The following ADGRB3 variants were observed in gnomAD, a reference collection of about 807,000 sequenced individuals.
The protein encoded by ADGRB3 is adhesion G protein-coupled receptor B3, also known as brain-specific angiogenesis inhibitor 3.
ADGRB3 carries 37 observed loss-of-function variants against 193.4 expected under a neutral mutation model. The ratio of observed to expected loss-of-function variants is 0.19; its 90% CI spans 0.15 to 0.25. The LOEUF (loss-of-function observed/expected upper bound fraction) is 0.25. Ranked by LOEUF, ADGRB3 falls within the 10% of genes least tolerant of loss-of-function variation. The pLI is 1.00. For missense variants in ADGRB3, 1,637 were observed against 1,852.9 expected (o/e 0.88, Z 2.14); for synonymous variants, 690 against 644.2 (o/e 1.07, Z -1.08).
At chr6:69,135,689 TCTTAA>T (rs1239225629) in intron 17 of ADGRB3, among the ~76,000 whole-genome samples, 4 of 152,048 alleles carry the variant, frequency 2.6e-5, no homozygotes, top group Non-Finnish European at 5.9e-5. Context: ...CAATTTCAAC[TCTTAA>T]CTTGGAAAAT....
At chr6:68,987,282 G>A (rs1769107337) in intron 10 of ADGRB3, among the ~76,000 whole-genome samples, 1 of 152,008 alleles carries the variant, frequency 6.6e-6, no homozygotes, top group Non-Finnish European at 1.5e-5. Flanking sequence ...GTAACCTTGG[G>A]TTTTATTCAA....
intron 20 of ADGRB3, among the ~76,000 whole-genome samples, chr6:69,301,080 G>C (rs1767940614): frequency 6.6e-6 from 1 of 151,576 alleles, no homozygotes; most frequent in South Asian, 2.1e-4. Context: ...AAATTTATTA[G>C]AGAGTTGCAA....
At chr6:69,121,585 A>G (rs1233152625) in intron 17 of ADGRB3, among the ~76,000 whole-genome samples, 1 of 151,532 alleles carries the variant, frequency 6.6e-6, no homozygotes, top group East Asian at 1.9e-4. Context: ...CACTTCCCAG[A>G]TGGGGCAGCG....
chr6:68,983,106 T>G lies in ADGRB3; in HGVS notation c.1734+7766T>G, dbSNP rs192150228. Among the ~76,000 whole-genome samples the G allele has an allele frequency of 5.9e-4, 90 of 152,238 alleles. 1 individual carries two copies. The highest frequency in any genetic ancestry group is 3.4e-3 in the Middle Eastern group (1 of 294). The stretch of plus-strand genomic sequence containing the variant: ...GAGACATTATCCCAAACCAGTAAAT[T>G]TAAATTGTATTATAAAAAAGAAAAA... On this transcript the variant is annotated intron_variant, in intron 10 of 31. Coordinates refer to ENST00000370598, the MANE Select transcript of ADGRB3 (RefSeq NM_001704.3).
At chr6:69,144,346 A>T (rs780762426) in intron 17 of ADGRB3, among the ~76,000 whole-genome samples, 1 of 152,196 alleles carries the variant, frequency 6.6e-6, no homozygotes, top group Non-Finnish European at 1.5e-5. Flanking sequence ...AGATCATATC[A>T]TCTGCAAACA....
chr6:69,196,794 A>G (rs1227073620), intron 17 of ADGRB3, among the ~76,000 whole-genome samples: 1 of 152,040 alleles, frequency 6.6e-6, no homozygotes, highest in East Asian at 1.9e-4. Context: ...TCTATTGTTC[A>G]TTCGTTTTGC....
intron 3 of ADGRB3, among the ~76,000 whole-genome samples, chr6:68,660,494 G>A (rs1768602756): frequency 1.3e-5 from 2 of 150,818 alleles, no homozygotes; most frequent in East Asian, 3.9e-4. Context: ...CATACCAGAA[G>A]TTAATGATGT....
chr6:68,858,240 C>T (rs1275868797), intron 3 of ADGRB3, among the ~76,000 whole-genome samples: 2 of 152,168 alleles, frequency 1.3e-5, no homozygotes, highest in Non-Finnish European at 2.9e-5. Context: ...CACTGTGGCT[C>T]ACGCCTGTAA....
At chr6:68,809,684 T>C (rs1767473813) in intron 3 of ADGRB3, among the ~76,000 whole-genome samples, 1 of 152,218 alleles carries the variant, frequency 6.6e-6, no homozygotes, top group Non-Finnish European at 1.5e-5. Flanking sequence ...TGTATTTCCT[T>C]CATTTTAAAA....
At chr6:69,022,525 T>C (rs1245226199) in intron 13 of ADGRB3, among the ~76,000 whole-genome samples, 1 of 151,958 alleles carries the variant, frequency 6.6e-6, no homozygotes, top group Non-Finnish European at 1.5e-5. Flanking sequence ...CTTATTATCT[T>C]TCTGAAGCTC....
intron 3 of ADGRB3, among the ~76,000 whole-genome samples, chr6:68,908,874 A>G (rs895878417): frequency 2.6e-5 from 4 of 152,172 alleles, no homozygotes; most frequent in African/African-American, 7.2e-5. Context: ...CGTATCTGAC[A>G]TCAGCCGAGC....
rs1358807938 is a variant in ADGRB3, at chr6:69,237,975, A to T, written c.2712-1149A>T. 2.6e-5 allele frequency among the ~76,000 whole-genome samples: 4 copies of T among 152,052 alleles called. No homozygotes were observed. The East Asian group carries it at 7.7e-4, about 29-fold the overall frequency. ...TGAGTTTGTTTTGTGACCAAAGGGAATTTCTTTTTATATTACAAAAACTCC... is the reference window on the plus strand; with the variant it reads ...TGAGTTTGTTTTGTGACCAAAGGGATTTTCTTTTTATATTACAAAAACTCC... On this transcript the variant is annotated intron_variant, in intron 19 of 31. Transcript: ENST00000370598.
At chr6:68,954,418 A>G (rs546740712) in intron 6 of ADGRB3, among the ~76,000 whole-genome samples, 1 of 152,154 alleles carries the variant, frequency 6.6e-6, no homozygotes, top group Non-Finnish European at 1.5e-5. Flanking sequence ...ATCAAGCTGA[A>G]CAGTCTATAT....
intron 12 of ADGRB3, among the ~76,000 whole-genome samples, chr6:69,014,862 A>C (rs965870940): frequency 4.6e-5 from 7 of 151,882 alleles, no homozygotes; most frequent in African/African-American, 1.7e-4. Flanking sequence ...AAGAATGAAC[A>C]TTTACTGAGG....
At chr6:69,122,064 G>A (rs138328341) in intron 17 of ADGRB3, among the ~76,000 whole-genome samples, 1,533 of 152,190 alleles carry the variant, frequency 0.01, 19 homozygotes, top group Middle Eastern at 0.017. Flanking sequence ...TGGTGGCCGG[G>A]CAGTAATCTT....
intron 24 of ADGRB3, among the ~76,000 whole-genome samples, chr6:69,337,496 A>T (rs1768878329): frequency 6.6e-6 from 1 of 152,144 alleles, no homozygotes; most frequent in Admixed American, 6.5e-5. Flanking sequence ...CACTGTGGAG[A>T]ATACTAGGCT....
chr6:68,721,817 T>C (rs185433379), intron 3 of ADGRB3, among the ~76,000 whole-genome samples: 2 of 151,178 alleles, frequency 1.3e-5, no homozygotes, highest in East Asian at 2.0e-4. Flanking sequence ...CAGTAAATTC[T>C]TCTTTCCCAA....
chr6:68,772,874 CAAACA>C, intron 3 of ADGRB3, among the ~76,000 whole-genome samples: 1 of 12,546 alleles, frequency 8.0e-5, no homozygotes, highest in African/African-American at 2.2e-4. Context: ...AACAAACAAA[CAAACA>C]AACAAAAAAA....
At chr6:69,245,601 A>C (rs1766482035) in intron 20 of ADGRB3, among the ~76,000 whole-genome samples, 1 of 150,912 alleles carries the variant, frequency 6.6e-6, no homozygotes, top group African/African-American at 2.4e-5. Flanking sequence ...AAATTAATCT[A>C]TTTTTTTTTG....
Sources: gnomAD v4.1 joint callset for allele counts (sites outside exome capture counted in the v4.1 genomes callset) on GRCh38, gnomAD v4.1.1 for gene constraint, MANE v1.5 for transcripts, NCBI Gene and HGNC (gene_info 2026-07-23, HGNC 2026-07-21) for gene names.